Variants in ROBO2 observed in about 807,000 individuals in gnomAD.
ROBO2 encodes roundabout guidance receptor 2, also known as roundabout homolog 2.
ROBO2 carries 53 observed loss-of-function variants against 160.8 expected under a neutral mutation model. That is an observed-to-expected ratio of 0.33 (90% confidence interval 0.26 to 0.41). The LOEUF is 0.41. Among genes scored for constraint, ROBO2 ranks in the 10% least tolerant of loss-of-function variants. The probability of loss-of-function intolerance (pLI) is 1.00; values close to 1 mark genes in which losing one functional copy is unlikely to be tolerated. For missense variants in ROBO2, 1,577 were observed against 1,722.4 expected (o/e 0.92, Z 1.49); for synonymous variants, 664 against 611.7 (o/e 1.09, Z -1.26).
chr3:77,334,997 A>G (rs758887695), intron 2 of ROBO2, among the ~76,000 whole-genome samples: 2 of 152,214 alleles, frequency 1.3e-5, no homozygotes, highest in South Asian at 4.1e-4. Context: ...CCAAACTAAA[A>G]GAAGTTAAAA....
chr3:77,315,892 T>G (rs1245361211), intron 2 of ROBO2, among the ~76,000 whole-genome samples: 1 of 152,162 alleles, frequency 6.6e-6, no homozygotes, highest in African/African-American at 2.4e-5. Context: ...CAGCATTTTT[T>G]TTTTGAGGTT....
intron 2 of ROBO2, among the ~76,000 whole-genome samples, chr3:77,458,879 A>T (rs2081964693): frequency 6.6e-6 from 1 of 152,156 alleles, no homozygotes; most frequent in Admixed American, 6.6e-5. Flanking sequence ...CTAGAATAAA[A>T]AATTGTCTAT....
At chr3:76,014,734 C>T (rs2066354623) in intron 2 of ROBO2, among the ~76,000 whole-genome samples, 1 of 152,132 alleles carries the variant, frequency 6.6e-6, no homozygotes, top group Admixed American at 6.5e-5. Flanking sequence ...TCAAGATCAG[C>T]CTGGGCAACA....
rs1335866982 is a variant in ROBO2, at chr3:76,435,531, T to C, written c.109+497929T>C. 6 of 613,074 alleles carry C rather than the reference T, an allele frequency of 9.8e-6. No homozygotes were observed. In the East Asian group the frequency reaches 1.7e-4, roughly 17 times the overall value. 38.0% of individuals were successfully genotyped at this position (613,074 alleles called of 1,614,324 possible). A position where few individuals can be genotyped will look rare whatever the true frequency, so the allele number is the denominator to read the frequency against. ...TCCTCTACCTTGGTGCTCTTAAAAC[T>C]GCTTCTCTGCTCTGAGAAGCACAGC... On this transcript the variant is annotated intron_variant, in intron 2 of 26. Transcript: ENST00000487694.
intron 1 of ROBO2, among the ~76,000 whole-genome samples, chr3:75,924,001 CTT>C (rs1193511737): frequency 6.6e-6 from 1 of 152,202 alleles, no homozygotes; most frequent in African/African-American, 2.4e-5. Flanking sequence ...TATACCAAAA[CTT>C]TAATCAATAG....
chr3:77,012,550 C>G (rs1231726128), intron 2 of ROBO2, among the ~76,000 whole-genome samples: 1 of 152,052 alleles, frequency 6.6e-6, no homozygotes, highest in Non-Finnish European at 1.5e-5. Context: ...ATATCAGCTA[C>G]ATGGATAGAT....
At chr3:77,159,139 CA>C (rs1452624642) in intron 2 of ROBO2, among the ~76,000 whole-genome samples, 1 of 152,080 alleles carries the variant, frequency 6.6e-6, no homozygotes, top group Non-Finnish European at 1.5e-5. Flanking sequence ...TTGGTTTCAT[CA>C]ACACCCATCC....
chr3:76,991,143 C>G (rs2060644197), intron 2 of ROBO2, among the ~76,000 whole-genome samples: 1 of 152,114 alleles, frequency 6.6e-6, no homozygotes, highest in African/African-American at 2.4e-5. Flanking sequence ...AAAACTTGAC[C>G]TGGTCTCTTC....
intron 2 of ROBO2, among the ~76,000 whole-genome samples, chr3:76,402,365 A>T (rs187385576): frequency 2.4e-4 from 37 of 151,658 alleles, no homozygotes; most frequent in African/African-American, 8.9e-4. Flanking sequence ...GTAATTGTGC[A>T]TTCAGGTGGG....
rs896065107 is a variant in ROBO2 at position 77,147,963 on chromosome 3, C to T, written c.388+49623C>T. 4.6e-5 allele frequency among the ~76,000 whole-genome samples: 7 copies of T among 152,046 alleles called. No individual in the cohort carries two copies. The East Asian group carries it at 1.2e-3, about 25-fold the overall frequency. ...CTTCAAGCTGTCACCATTTCACTACCCCATGCGGTTTGAGCAAATGAGCAG... is the reference window on the plus strand; with the variant it reads ...CTTCAAGCTGTCACCATTTCACTACTCCATGCGGTTTGAGCAAATGAGCAG... On this transcript the variant is annotated intron_variant, in intron 2 of 25. Coordinates refer to ENST00000461745, the Ensembl canonical transcript of ROBO2.
intron 2 of ROBO2, among the ~76,000 whole-genome samples, chr3:77,291,068 C>A (rs1385475064): frequency 2.7e-5 from 4 of 149,646 alleles, no homozygotes; most frequent in African/African-American, 1.0e-4. Context: ...GGCTAGATCA[C>A]CCCAGACGTA....
At chr3:76,996,296 G>T (rs1240793786) in intron 2 of ROBO2, among the ~76,000 whole-genome samples, 5 of 152,122 alleles carry the variant, frequency 3.3e-5, no homozygotes, top group Non-Finnish European at 7.4e-5. Flanking sequence ...GCTCTGTTCT[G>T]TCCCATTGGT....
chr3:76,096,537 T>G (rs2108131582), intron 2 of ROBO2, among the ~76,000 whole-genome samples: 1 of 152,316 alleles, frequency 6.6e-6, no homozygotes, highest in African/African-American at 2.4e-5. Flanking sequence ...GTGTTTATTT[T>G]TTTATGTATT....
At chr3:77,565,237 T>C (rs1300201455) in intron 12 of ROBO2, 117 bp downstream of exon 13, 4 of 1,151,732 alleles carry the variant, frequency 3.5e-6, no homozygotes, top group East Asian at 4.7e-5. Flanking sequence ...GATGGCTCAC[T>C]AGGCTTTATC....
chr3:77,607,472 AG>A (rs1469974930), intron 20 of ROBO2, among the ~76,000 whole-genome samples: 1 of 152,198 alleles, frequency 6.6e-6, no homozygotes, highest in East Asian at 1.9e-4. Context: ...GACATTTAAA[AG>A]AATTTGTTAT....
At chr3:77,225,489 A>AT (rs145978727) in intron 2 of ROBO2, among the ~76,000 whole-genome samples, 8 of 150,958 alleles carry the variant, frequency 5.3e-5, no homozygotes, top group Admixed American at 1.3e-4. Flanking sequence ...AAGTCTTGTT[A>AT]TTTTTTTTTC....
At position 77,636,532 on chromosome 3, in the gene ROBO2, C is replaced by T. The variant is rs183650366; in HGVS notation, c.3934+1489C>T. Among the ~76,000 whole-genome samples, 109 of 151,764 alleles carry T rather than the reference C, an allele frequency of 7.2e-4. 1 individual carries two copies. In the East Asian group the frequency reaches 0.016, roughly 22 times the overall value. ...GCTTGAACCAGGGAGTCAGAGGTTG[C>T]GGTGAGCTGAGATCACACCACTGCA... On this transcript the variant is annotated intron_variant, in intron 24 of 25. Coordinates refer to ENST00000461745, the Ensembl canonical transcript of ROBO2.
intron 2 of ROBO2, among the ~76,000 whole-genome samples, chr3:76,460,645 C>T (rs576810523): frequency 1.1e-3 from 162 of 152,272 alleles, no homozygotes; most frequent in African/African-American, 3.7e-3. Flanking sequence ...GAGTGAGCCA[C>T]GTTGAAAGCA....
chr3:76,725,732 A>G (rs999511948), intron 2 of ROBO2, among the ~76,000 whole-genome samples: 1 of 152,118 alleles, frequency 6.6e-6, no homozygotes, highest in Non-Finnish European at 1.5e-5. Flanking sequence ...ATTCTCTGTT[A>G]GGTGGGGGAA....
Sources: gnomAD v4.1 joint callset for allele counts (sites outside exome capture counted in the v4.1 genomes callset) on GRCh38, gnomAD v4.1.1 for gene constraint, MANE v1.5 for transcripts, NCBI Gene and HGNC (gene_info 2026-07-23, HGNC 2026-07-21) for gene names.